Variants in UHRF1 observed in about 807,000 individuals in gnomAD.
The protein encoded by UHRF1 is E3 ubiquitin-protein ligase UHRF1.
UHRF1 carries 9 observed loss-of-function variants against 96.5 expected under a neutral mutation model. That is an observed-to-expected ratio of 0.09 (90% CI 0.06 to 0.16). The LOEUF is 0.16. Ranked by LOEUF, UHRF1 falls within the 10% of genes least tolerant of loss-of-function variation. The pLI is 1.00. For synonymous variants in UHRF1, 455 were observed against 469.9 expected (o/e 0.97, Z 0.41); for missense variants, 626 against 1,131.1 (o/e 0.55, Z 6.40).
At position 4,950,951 on chromosome 19, in the gene UHRF1, G is replaced by A. The variant is rs769728977; in HGVS notation, c.1773G>A (p.Thr591=). 30 of 1,612,088 alleles carry A rather than the reference G, an allele frequency of 1.9e-5. No individual in the cohort carries two copies. Among genetic ancestry groups the A allele is most frequent in the Non-Finnish European group, 2.4e-5 (28 of 1,179,792 alleles). The change falls in exon 13 of 17, where the codon ACG becomes ACA. Residue 591 remains threonine (T), a synonymous_variant. Coordinates refer to ENST00000650932, the MANE Select transcript of UHRF1 (RefSeq NM_001048201.3). ...RRDDDEPGPW[T]KEGKDRIKKL... is the part of the protein sequence containing the mutation. ...ACGATGATGAGCCTGGCCCTTGGACGAAGGAGGGGAAGGACCGGATCAAGA... is the reference window on the plus strand; with the variant it reads ...ACGATGATGAGCCTGGCCCTTGGACAAAGGAGGGGAAGGACCGGATCAAGA...
At position 4,944,357 on chromosome 19, in the gene UHRF1, G is replaced by A. The variant is rs1362344051; in HGVS notation, c.1212G>A (p.Val404=). The change falls in exon 9 of 17, where the codon GTG becomes GTA. Residue 404 remains valine (V), a synonymous_variant. Transcript: ENST00000650932. ...QRDWGKGMAC[V]GRTKECTIVP... ...GCCTGGGACAGGGCATGGCCTGTGT[G>A]GGCCGCACCAAGGAATGTACCATCG... The A allele has an allele frequency of 6.2e-7, 1 of 1,613,896 alleles. No homozygotes were observed. Among genetic ancestry groups the A allele is most frequent in the Non-Finnish European group, 8.5e-7 (1 of 1,179,902 alleles).
intron 5 of UHRF1, among the ~76,000 whole-genome samples, chr19:4,934,349 G>A (rs758026352): frequency 6.6e-6 from 1 of 152,086 alleles, no homozygotes; most frequent in Non-Finnish European, 1.5e-5. Context: ...TTTACCATTG[G>A]AACCATGTTT....
intron 5 of UHRF1, among the ~76,000 whole-genome samples, chr19:4,940,789 C>T (rs956578759): frequency 6.6e-6 from 1 of 151,918 alleles, no homozygotes; most frequent in African/African-American, 2.4e-5. Flanking sequence ...TCTCCTGCCT[C>T]AGCCTCCTGG....
intron 3 of UHRF1, among the ~76,000 whole-genome samples, chr19:4,929,916 T>G (rs905258858): frequency 6.6e-6 from 1 of 152,088 alleles, no homozygotes; most frequent in African/African-American, 2.4e-5. Context: ...TCCTCCCACC[T>G]CAGCCTCCTG....
At chr19:4,919,272 C>G (rs897174723) in intron 2 of UHRF1, among the ~76,000 whole-genome samples, 1 of 151,580 alleles carries the variant, frequency 6.6e-6, no homozygotes, top group African/African-American at 2.4e-5. Context: ...CCTGAGATTA[C>G]AGGCATGAGC....
In UHRF1 at chr19:4,909,655, G is replaced by A. The variant is rs1372418346; in HGVS notation, c.-11G>A. The A allele has an allele frequency of 3.7e-6, 2 of 544,524 alleles. No homozygotes were observed. Among genetic ancestry groups the A allele is most frequent in the Non-Finnish European group, 3.2e-6 (1 of 312,474 alleles). The allele number at this position is 544,524 out of a possible 1,614,324, so 33.7% of individuals were successfully genotyped here. On this transcript the variant is annotated splice_region_variant and 5_prime_UTR_variant, in exon 1 of 17. Transcript: ENST00000650932. ...ACAAGCTGTTCGCGGCGACCGGAGA[G>A]GTGAGCGGGCGGGCCGGGTCGGGGT... is the stretch of plus-strand genomic sequence containing the variant.
In UHRF1 at chr19:4,928,198, G is replaced by A. The variant is rs113921122; in HGVS notation, c.154-1024G>A. ...CATGGAGTAGGTGGAGGCCAGGGAC[G>A]CTGCTCAGCACCCTGCAGTGCCCAG... On this transcript the variant is annotated intron_variant, in intron 2 of 16. Coordinates refer to ENST00000650932, the MANE Select transcript of UHRF1 (RefSeq NM_001048201.3). Among the ~76,000 whole-genome samples, 1,074 of 152,140 alleles carry A rather than the reference G, an allele frequency of 7.1e-3. 12 individuals carry two copies. The highest frequency in any genetic ancestry group is 0.025 in the African/African-American group (1,026 of 41,508).
In UHRF1 at chr19:4,954,709, C is replaced by T; in HGVS notation, c.2017C>T (p.Pro673Ser). 3 of 1,613,686 alleles carry T rather than the reference C, an allele frequency of 1.9e-6. No individual in the cohort carries two copies. The highest frequency in any genetic ancestry group is 1.1e-5 in the South Asian group (1 of 91,060). Residue 673 changes from proline to serine, a missense_variant, in exon 15 of 17, where the codon CCC becomes TCC. Physicochemically the swap from Pro to Ser is moderately conservative, Grantham distance 74. Around this residue, in one of 11 missense-constraint regions of UHRF1, gnomAD observed 90 missense variants for 94.7 expected, o/e 0.95. Coordinates refer to ENST00000650932, the MANE Select transcript of UHRF1 (RefSeq NM_001048201.3). The surrounding 1 kb of genome is among the most constrained non-coding windows in gnomAD (Gnocchi z 5.9). ...RRTSKKTKVE[P>S]YSLTAQQSSL... ...GACATCCAAGAAAACCAAGGTGGAG[C>T]CCTACAGTCTCACGGCCCAGCAGAG...
At chr19:4,903,524 T>A (rs28689007) in exon 1 of UHRF1, 29,405 of 151,904 alleles carry the variant, frequency 0.19, 2,972 homozygotes, top group Middle Eastern at 0.28. Flanking sequence ...TTATTTTTTG[T>A]GATGGTCTCA....
rs1484234748 is a variant in UHRF1, at chr19:4,930,358, T to A, written c.409-358T>A. ...CCGGGGCTCAAGCGATCCACCTGCCTCGGCCTCCCAAAGTGCTGGTATTCC... is the reference window on the plus strand; with the variant it reads ...CCGGGGCTCAAGCGATCCACCTGCCACGGCCTCCCAAAGTGCTGGTATTCC... On this transcript the variant is annotated intron_variant, in intron 3 of 16. Transcript: ENST00000650932. This position sits in a 1 kb window ranked among gnomAD's most constrained non-coding sequence, Gnocchi z 4.4. 6.6e-6 allele frequency among the ~76,000 whole-genome samples: 1 copy of A among 152,138 alleles called. No individual in the cohort carries two copies. Among genetic ancestry groups the A allele is most frequent in the Non-Finnish European group, 1.5e-5 (1 of 68,030 alleles).
At chr19:4,933,096 C>G in intron 5 of UHRF1, 140 bp downstream of exon 5, 1 of 922,490 alleles carries the variant, frequency 1.1e-6, no homozygotes, top group East Asian at 2.6e-5. Context: ...TGCCTCCCCT[C>G]TGGGGTCTGT....
In UHRF1 at chr19:4,941,821, C is replaced by T. The variant is rs778664373; in HGVS notation, c.963C>T (p.Cys321=). The change falls in exon 7 of 17, where the codon TGC becomes TGT. Residue 321 remains cysteine (C), a synonymous_variant. Coordinates refer to ENST00000650932, the MANE Select transcript of UHRF1 (RefSeq NM_001048201.3). ...GCCGGGTCTGCGCCTGCCACCTGTG[C>T]GGGGGCCGGCAGGACCCCGACAAGC... is the stretch of plus-strand genomic sequence containing the variant. The part of the protein sequence containing the change: ...RLCRVCACHL[C]GGRQDPDKQL... 1.4e-5 allele frequency: 22 copies of T among 1,577,396 alleles called. No homozygotes were observed. Among genetic ancestry groups the T allele is most frequent in the Middle Eastern group, 1.7e-4 (1 of 5,866 alleles).
At chr19:4,935,892 C>T (rs2033201677) in intron 5 of UHRF1, among the ~76,000 whole-genome samples, 1 of 152,180 alleles carries the variant, frequency 6.6e-6, no homozygotes, top group Non-Finnish European at 1.5e-5. Flanking sequence ...TGCCCGTTTA[C>T]CCTGAGACAG....
At chr19:4,956,311 T>A (rs2033855893) in intron 15 of UHRF1, among the ~76,000 whole-genome samples, 1 of 152,172 alleles carries the variant, frequency 6.6e-6, no homozygotes. Flanking sequence ...GCGATCCTCT[T>A]GTCTTGGCCT....
rs539164758 is a variant in UHRF1 at position 4,929,479 on chromosome 19, G to T, written c.408+3G>T. On this transcript the variant is annotated splice_donor_region_variant and intron_variant, in intron 3 of 16. Coordinates refer to ENST00000650932, the MANE Select transcript of UHRF1 (RefSeq NM_001048201.3). ...AGACGGAATTGGGGCTGTACAAGGT[G>T]AGCCTCCCCTCCGCAGCTGCTCTGG... 5.0e-6 allele frequency: 8 copies of T among 1,608,228 alleles called. No individual in the cohort carries two copies. Among genetic ancestry groups the T allele is most frequent in the Non-Finnish European group, 6.8e-6 (8 of 1,175,782 alleles).
chr19:4,959,299 C>A (rs2033932732), intron 16 of UHRF1, among the ~76,000 whole-genome samples: 1 of 152,092 alleles, frequency 6.6e-6, no homozygotes, highest in South Asian at 2.1e-4. Context: ...CACTGCACTC[C>A]AGCCTGGGCG....
chr19:4,939,909 A>G (rs2146354673), intron 5 of UHRF1, among the ~76,000 whole-genome samples: 1 of 152,044 alleles, frequency 6.6e-6, no homozygotes, highest in East Asian at 1.9e-4. Context: ...CTATAGTGCC[A>G]GCTACTCAGG....
intron 2 of UHRF1, among the ~76,000 whole-genome samples, chr19:4,928,004 G>T (rs1250161960): frequency 2.0e-5 from 3 of 152,168 alleles, no homozygotes; most frequent in Non-Finnish European, 4.4e-5. Flanking sequence ...AATGCGTGCA[G>T]CCTCCTGGGA....
At chr19:4,915,772 G>A (rs560943483) in intron 2 of UHRF1, among the ~76,000 whole-genome samples, 17 of 152,230 alleles carry the variant, frequency 1.1e-4, no homozygotes, top group Admixed American at 2.6e-4. Context: ...AATTGTCCCC[G>A]TGGACATAGT....
Sources: gnomAD v4.1 joint callset for allele counts (sites outside exome capture counted in the v4.1 genomes callset) on GRCh38, gnomAD v4.1.1 for gene constraint, gnomAD v4.1.1 regional missense constraint, Gnocchi (gnomAD v3.1) non-coding constraint, MANE v1.5 for transcripts, NCBI Gene and HGNC (gene_info 2026-07-23, HGNC 2026-07-21) for gene names.